The following IMMP2L variants were observed in gnomAD, a reference collection of about 807,000 sequenced individuals.
The protein encoded by IMMP2L is mitochondrial inner membrane protease subunit 2.
A neutral mutation model predicts 19.3 loss-of-function variants in IMMP2L; 18 were observed. The ratio of observed to expected loss-of-function variants is 0.93; its 90% CI spans 0.64 to 1.38. The LOEUF is 1.38. Among genes scored for constraint, IMMP2L ranks in the 40% most tolerant of loss-of-function variants. The pLI, the probability that IMMP2L is intolerant of heterozygous loss-of-function variation, is 0.00. For missense variants in IMMP2L, 233 were observed against 218.2 expected (o/e 1.07, Z -0.43); for synonymous variants, 76 against 73.0 (o/e 1.04, Z -0.21).
intron 3 of IMMP2L, among the ~76,000 whole-genome samples, chr7:111,161,318 GTATATGTAAA>G (rs1470143315): frequency 6.6e-6 from 1 of 151,818 alleles, no homozygotes; most frequent in African/African-American, 2.4e-5. Context: ...ACTCATGTAT[GTATATGTAAA>G]TATCCCGAAC....
intron 4 of IMMP2L, among the ~76,000 whole-genome samples, chr7:110,948,273 C>T (rs1358477768): frequency 6.6e-6 from 1 of 152,186 alleles, no homozygotes; most frequent in Non-Finnish European, 1.5e-5. Flanking sequence ...TTCATATCAA[C>T]ATTTAAATAT....
At chr7:111,126,963 G>C (rs575100005) in intron 3 of IMMP2L, among the ~76,000 whole-genome samples, 2 of 152,208 alleles carry the variant, frequency 1.3e-5, no homozygotes, top group African/African-American at 4.8e-5. Context: ...GTTAATATTA[G>C]ACATTTATTT....
chr7:110,855,448 G>A (rs1806661272), intron 5 of IMMP2L, among the ~76,000 whole-genome samples: 1 of 151,934 alleles, frequency 6.6e-6, no homozygotes, highest in African/African-American at 2.4e-5. Context: ...CAATTGTTTG[G>A]ACCTGGAGAA....
chr7:110,678,984 C>T (rs922007706), intron 5 of IMMP2L, among the ~76,000 whole-genome samples: 14 of 152,090 alleles, frequency 9.2e-5, no homozygotes, highest in Non-Finnish European at 1.2e-4. Flanking sequence ...ACAATTTTAA[C>T]TTTAATCATT....
rs887917774 is a variant in IMMP2L, at chr7:111,270,585, T to C, written c.239+216653A>G. 5.3e-5 allele frequency among the ~76,000 whole-genome samples: 8 copies of C among 152,164 alleles called. No individual in the cohort carries two copies. The South Asian group carries it at 1.0e-3, about 20-fold the overall frequency. Reference sequence around the variant, plus strand: ...AGAGAAGAAACTTTATGCTATTATGTGAGCAAATTAGCTGTCAAAACCAAC... The same window carrying C: ...AGAGAAGAAACTTTATGCTATTATGCGAGCAAATTAGCTGTCAAAACCAAC... On this transcript the variant is annotated intron_variant, in intron 3 of 5. Transcript: ENST00000405709.
intron 5 of IMMP2L, among the ~76,000 whole-genome samples, chr7:110,689,382 T>A (rs1486779079): frequency 6.6e-6 from 1 of 152,130 alleles, no homozygotes; most frequent in Non-Finnish European, 1.5e-5. Context: ...ATTCTCCATA[T>A]GTTTTAGCTG....
intron 3 of IMMP2L, among the ~76,000 whole-genome samples, chr7:111,187,562 C>T (rs1808408059): frequency 6.6e-6 from 1 of 152,070 alleles, no homozygotes; most frequent in South Asian, 2.1e-4. Flanking sequence ...GGAAATGAGA[C>T]AGAATACTAT....
chr7:110,795,709 T>G (rs749459705), intron 5 of IMMP2L, among the ~76,000 whole-genome samples: 8 of 152,086 alleles, frequency 5.3e-5, no homozygotes, highest in Non-Finnish European at 7.4e-5. Context: ...CTTGTACAAC[T>G]GAACCAGGGA....
At chr7:111,124,667 G>T in intron 3 of IMMP2L, 1 of 1,613,856 alleles carries the variant, frequency 6.2e-7, no homozygotes. Flanking sequence ...CTTATGGCCT[G>T]TCTTGGAGGC....
intron 1 of IMMP2L, among the ~76,000 whole-genome samples, chr7:111,535,408 GA>G (rs2132859228): frequency 6.6e-6 from 1 of 152,154 alleles, no homozygotes; most frequent in South Asian, 2.1e-4. Context: ...AGTGTCTAAC[GA>G]AAGATATTAA....
chr7:111,363,839 T>C (rs1341215881), intron 3 of IMMP2L, among the ~76,000 whole-genome samples: 1 of 152,104 alleles, frequency 6.6e-6, no homozygotes, highest in Non-Finnish European at 1.5e-5. Flanking sequence ...GTACTTACTC[T>C]TTTAGCTCCC....
intron 5 of IMMP2L, among the ~76,000 whole-genome samples, chr7:110,843,955 T>C (rs1028484219): frequency 6.6e-6 from 1 of 152,156 alleles, no homozygotes; most frequent in Non-Finnish European, 1.5e-5. Context: ...AGGAAGGGGC[T>C]GGGTCCTGCA....
intron 4 of IMMP2L, among the ~76,000 whole-genome samples, chr7:110,927,696 G>A (rs1815004540): frequency 6.6e-6 from 1 of 151,960 alleles, no homozygotes; most frequent in South Asian, 2.1e-4. Flanking sequence ...AGAAAAGAAT[G>A]CAGCTTTGCT....
At chr7:111,101,544 TA>T (rs112835149) in intron 3 of IMMP2L, among the ~76,000 whole-genome samples, 17 of 147,136 alleles carry the variant, frequency 1.2e-4, no homozygotes, top group Middle Eastern at 3.6e-3. Flanking sequence ...GTAGATTTAG[TA>T]AAAAAAAAAA....
intron 3 of IMMP2L, among the ~76,000 whole-genome samples, chr7:111,478,645 C>CA (rs1259937411): frequency 6.6e-6 from 1 of 152,032 alleles, no homozygotes; most frequent in Non-Finnish European, 1.5e-5. Flanking sequence ...AGGCTGGTCT[C>CA]AAACTCCTGA....
intron 3 of IMMP2L, among the ~76,000 whole-genome samples, chr7:111,061,688 T>C (rs888926726): frequency 6.6e-6 from 1 of 152,170 alleles, no homozygotes; most frequent in African/African-American, 2.4e-5. Flanking sequence ...AAGAGGTCTT[T>C]TGGGCTCCAC....
intron 3 of IMMP2L, among the ~76,000 whole-genome samples, chr7:111,221,495 GAAAC>G (rs1402985358): frequency 1.3e-5 from 2 of 151,770 alleles, no homozygotes; most frequent in East Asian, 1.9e-4. Flanking sequence ...TTTCAATACT[GAAAC>G]AGAGAGAGAG....
chr7:111,354,877 G>A (rs148562849), intron 3 of IMMP2L, among the ~76,000 whole-genome samples: 1 of 151,752 alleles, frequency 6.6e-6, no homozygotes, highest in African/African-American at 2.4e-5. Flanking sequence ...AAGAAGTTCT[G>A]AAAAATGAAG....
At chr7:111,186,491 G>A (rs1180388474) in intron 3 of IMMP2L, among the ~76,000 whole-genome samples, 11 of 151,954 alleles carry the variant, frequency 7.2e-5, no homozygotes, top group Admixed American at 5.9e-4. Context: ...CACGATCTCA[G>A]CTCACTGCAG....
Sources: gnomAD v4.1 joint callset for allele counts (sites outside exome capture counted in the v4.1 genomes callset) on GRCh38, gnomAD v4.1.1 for gene constraint, MANE v1.5 for transcripts, NCBI Gene and HGNC (gene_info 2026-07-23, HGNC 2026-07-21) for gene names.